Variants in CDH13 observed in about 807,000 individuals in gnomAD.
CDH13 encodes the protein cadherin 13.
CDH13 carries 24 observed loss-of-function variants against 63.8 expected under a neutral mutation model. That is an observed-to-expected ratio of 0.38 (90% confidence interval 0.27 to 0.53). The LOEUF is 0.53. Ranked by LOEUF, CDH13 falls within the 20% of genes least tolerant of loss-of-function variation. The pLI is 0.85. For synonymous variants in CDH13, 503 were observed against 355.3 expected (o/e 1.42, Z -4.67); for missense variants, 1,049 against 903.1 (o/e 1.16, Z -2.07).
At chr16:82,643,686 C>T (rs772542372) in intron 1 of CDH13, among the ~76,000 whole-genome samples, 2 of 152,192 alleles carry the variant, frequency 1.3e-5, no homozygotes, top group Non-Finnish European at 2.9e-5. Flanking sequence ...GTAGCCTACC[C>T]TGGTGTAGAG....
At chr16:82,639,267 A>G in intron 1 of CDH13, 1 of 772,714 alleles carries the variant, frequency 1.3e-6, no homozygotes, top group Non-Finnish European at 2.0e-6. Flanking sequence ...TGGGCCCTGG[A>G]CTTCCTGTCT....
intron 1 of CDH13, chr16:82,829,764 T>C (rs1317777047): frequency 2.0e-5 from 3 of 152,214 alleles, no homozygotes; most frequent in Non-Finnish European, 2.9e-5. Context: ...TAATTAATCT[T>C]CACCTAATTC....
At chr16:83,540,238 G>C (rs890045616) in intron 7 of CDH13, among the ~76,000 whole-genome samples, 3 of 152,062 alleles carry the variant, frequency 2.0e-5, no homozygotes, top group Admixed American at 6.5e-5. Context: ...GATCAACTCA[G>C]TATACCACTG....
At chr16:83,614,424 G>T (rs574540416) in intron 8 of CDH13, among the ~76,000 whole-genome samples, 2 of 152,264 alleles carry the variant, frequency 1.3e-5, no homozygotes, top group South Asian at 2.1e-4. Context: ...AGCTCTCCTT[G>T]GCCCTCTGGC....
At chr16:83,395,652 A>C (rs1597917755) in intron 6 of CDH13, among the ~76,000 whole-genome samples, 1 of 152,180 alleles carries the variant, frequency 6.6e-6, no homozygotes, top group East Asian at 1.9e-4. Flanking sequence ...ATATAGATGT[A>C]GGTCAGTAGT....
chr16:83,506,965 C>T (rs1039850409), intron 7 of CDH13, among the ~76,000 whole-genome samples: 3 of 152,222 alleles, frequency 2.0e-5, no homozygotes, highest in Admixed American at 6.5e-5. Context: ...TATCTCCAAG[C>T]CACAAACACT....
At chr16:82,920,002 G>T (rs1023969488) in intron 2 of CDH13, among the ~76,000 whole-genome samples, 2 of 152,214 alleles carry the variant, frequency 1.3e-5, no homozygotes, top group African/African-American at 4.8e-5. Context: ...ATCAAAATGT[G>T]TGTGGGTGGG....
chr16:82,767,337 G>A (rs1350419403), intron 1 of CDH13, among the ~76,000 whole-genome samples: 1 of 152,106 alleles, frequency 6.6e-6, no homozygotes, highest in Non-Finnish European at 1.5e-5. Context: ...TGCTCTGATT[G>A]TTTTCTATCT....
At chr16:82,996,582 C>G (rs951104405) in intron 2 of CDH13, among the ~76,000 whole-genome samples, 1 of 152,084 alleles carries the variant, frequency 6.6e-6, no homozygotes, top group Admixed American at 6.6e-5. Flanking sequence ...ATAGCAACAA[C>G]AAAAACGACC....
chr16:82,708,665 A>G (rs1190560423), intron 1 of CDH13, among the ~76,000 whole-genome samples: 3 of 152,142 alleles, frequency 2.0e-5, no homozygotes, highest in African/African-American at 4.8e-5. Flanking sequence ...CCAGCTCAAG[A>G]TAGTCAGGGT....
intron 2 of CDH13, among the ~76,000 whole-genome samples, chr16:83,013,099 A>G (rs755821891): frequency 3.3e-5 from 5 of 152,242 alleles, no homozygotes; most frequent in Non-Finnish European, 7.3e-5. Context: ...ACCTTGGCCT[A>G]CAGCAGTGAT....
At chr16:83,252,618 C>T (rs933459353) in intron 5 of CDH13, among the ~76,000 whole-genome samples, 2 of 152,156 alleles carry the variant, frequency 1.3e-5, no homozygotes, top group African/African-American at 2.4e-5. Flanking sequence ...GTTGGTGTCT[C>T]AGCCACAGTG....
chr16:83,046,700 TC>T (rs1191862177), intron 3 of CDH13, among the ~76,000 whole-genome samples: 4 of 152,050 alleles, frequency 2.6e-5, no homozygotes, highest in Non-Finnish European at 5.9e-5. Context: ...GCAAAAGGGC[TC>T]AAAAAACTTC....
chr16:83,390,455 A>G (rs115307660), intron 6 of CDH13, among the ~76,000 whole-genome samples: 1,951 of 115,500 alleles, frequency 0.017, 43 homozygotes, highest in African/African-American at 0.097. Context: ...ATTTACAAAT[A>G]CTTTTTTTTT....
intron 1 of CDH13, among the ~76,000 whole-genome samples, chr16:82,691,074 A>T (rs1441537607): frequency 6.6e-6 from 1 of 152,218 alleles, no homozygotes; most frequent in Non-Finnish European, 1.5e-5. Flanking sequence ...CACATTCAGC[A>T]AATATTTATT....
intron 1 of CDH13, among the ~76,000 whole-genome samples, chr16:82,656,344 G>A (rs958298807): frequency 2.6e-5 from 4 of 151,590 alleles, no homozygotes; most frequent in Non-Finnish European, 5.9e-5. Flanking sequence ...TGTTAATGAT[G>A]GTGATGAGAT....
intron 2 of CDH13, among the ~76,000 whole-genome samples, chr16:82,884,762 G>A (rs912202653): frequency 2.6e-5 from 4 of 152,168 alleles, no homozygotes; most frequent in African/African-American, 7.2e-5. Flanking sequence ...TGTTTTCTCA[G>A]ATTTTTCAGC....
intron 1 of CDH13, among the ~76,000 whole-genome samples, chr16:82,729,943 A>G (rs927218886): frequency 2.1e-4 from 32 of 152,186 alleles, no homozygotes; most frequent in African/African-American, 7.5e-4. Context: ...TTTAAACCTC[A>G]TGAACCAAAC....
chr16:82,934,970 C>A (rs965437201), intron 2 of CDH13, among the ~76,000 whole-genome samples: 2 of 152,200 alleles, frequency 1.3e-5, no homozygotes, highest in Admixed American at 6.5e-5. Context: ...CTGCCTGTTA[C>A]ACAGTTCCAA....
Sources: gnomAD v4.1 joint callset for allele counts (sites outside exome capture counted in the v4.1 genomes callset) on GRCh38, gnomAD v4.1.1 for gene constraint, MANE v1.5 for transcripts, NCBI Gene and HGNC (gene_info 2026-07-23, HGNC 2026-07-21) for gene names.